Variants in NPAS3 observed in about 807,000 individuals in gnomAD.
NPAS3 encodes the protein neuronal PAS domain-containing protein 3.
In NPAS3, 14 loss-of-function variants were observed where a neutral mutation model predicts 73.1. That is an observed-to-expected ratio of 0.19 (90% CI 0.13 to 0.30). NPAS3 has a LOEUF of 0.30. NPAS3 is among the 10% of genes least tolerant of loss of function. The pLI is 1.00. For missense variants in NPAS3, 1,096 were observed against 1,250.0 expected, an observed-to-expected ratio of 0.88 and a Z score of 1.86; for synonymous variants, 620 against 541.5, an observed-to-expected ratio of 1.14 and a Z score of -2.01.
chr14:33,562,127 T>A (rs1179039709), intron 5 of NPAS3, among the ~76,000 whole-genome samples: 1 of 152,246 alleles, frequency 6.6e-6, no homozygotes, highest in Non-Finnish European at 1.5e-5. Flanking sequence ...AGTGCGGCCA[T>A]CTGAAATATC....
intron 4 of NPAS3, among the ~76,000 whole-genome samples, chr14:33,516,637 GATA>G (rs1472187309): frequency 1.3e-5 from 2 of 152,124 alleles, no homozygotes; most frequent in Non-Finnish European, 2.9e-5. Flanking sequence ...TGGGGCTGAT[GATA>G]ATAAGCACCT....
rs552969417 is a variant in NPAS3, at chr14:33,470,407, T to C, written c.469-89714T>C. On this transcript the variant is annotated intron_variant, in intron 4 of 11. Transcript: ENST00000356141. ...TTAGGACCATCAGTATAAAGAAGTGTCTTGCATGAACAAATCCCTTTACTA... is the reference window on the plus strand; with the variant it reads ...TTAGGACCATCAGTATAAAGAAGTGCCTTGCATGAACAAATCCCTTTACTA... 2.0e-5 allele frequency among the ~76,000 whole-genome samples: 3 copies of C among 152,270 alleles called. No homozygotes were observed. The East Asian group carries it at 5.8e-4, about 29-fold the overall frequency.
chr14:33,651,877 G>T (rs1171836842), intron 5 of NPAS3, among the ~76,000 whole-genome samples: 1 of 152,050 alleles, frequency 6.6e-6, no homozygotes, highest in Non-Finnish European at 1.5e-5. Context: ...ATATTAAGTA[G>T]CACCCAGCGT....
chr14:33,018,424 G>C lies in NPAS3; in HGVS notation c.51-37481G>C, dbSNP rs138126775. ...ATAAACATCATCTTCTCCAAGTCAT[G>C]GCAGAGGCAGGACTTTCTGAGAGAT... On this transcript the variant is annotated intron_variant, in intron 1 of 11. Transcript: ENST00000356141. Among the ~76,000 whole-genome samples the C allele has an allele frequency of 3.1e-4, 47 of 152,258 alleles. No homozygotes were observed. In the East Asian group the frequency reaches 7.5e-3, roughly 24 times the overall value.
intron 5 of NPAS3, among the ~76,000 whole-genome samples, chr14:33,651,582 G>T (rs1403927705): frequency 1.3e-5 from 2 of 152,072 alleles, no homozygotes; most frequent in Non-Finnish European, 2.9e-5. Flanking sequence ...TGAGGTCAGA[G>T]CTGGGTCTGT....
intron 2 of NPAS3, among the ~76,000 whole-genome samples, chr14:33,076,917 C>T (rs939464536): frequency 3.3e-5 from 5 of 152,124 alleles, no homozygotes; most frequent in Non-Finnish European, 7.4e-5. Context: ...AAAAGTTTTT[C>T]TATATCCATT....
At chr14:33,746,827 C>T (rs919690057) in intron 7 of NPAS3, among the ~76,000 whole-genome samples, 1 of 151,862 alleles carries the variant, frequency 6.6e-6, no homozygotes, top group Non-Finnish European at 1.5e-5. Flanking sequence ...ATGTGCCATG[C>T]CGGTGTGCTG....
exon 11 of NPAS3, chr14:33,797,511 G>A (rs138405917): frequency 9.2e-5 from 149 of 1,614,132 alleles, no homozygotes; most frequent in African/African-American, 8.1e-4. Context: ...CCCATCTGCC[G>A]GAGAAAACTT....
intron 3 of NPAS3, among the ~76,000 whole-genome samples, chr14:33,264,824 C>A (rs1170493593): frequency 6.6e-6 from 1 of 152,184 alleles, no homozygotes; most frequent in East Asian, 1.9e-4. Context: ...TTCATCAGGG[C>A]AGTCTTGGTC....
intron 7 of NPAS3, among the ~76,000 whole-genome samples, chr14:33,744,607 G>A (rs1595539144): frequency 2.0e-5 from 3 of 152,030 alleles, no homozygotes; most frequent in Admixed American, 1.3e-4. Flanking sequence ...GAGCAACATG[G>A]CGAAACCTTG....
At chr14:33,751,348 C>G (rs185042192) in intron 7 of NPAS3, among the ~76,000 whole-genome samples, 22 of 152,310 alleles carry the variant, frequency 1.4e-4, no homozygotes, top group African/African-American at 5.3e-4. Flanking sequence ...GTTTTTCCTT[C>G]TACCATTCTG....
At chr14:33,749,683 G>A (rs1411502601) in intron 7 of NPAS3, among the ~76,000 whole-genome samples, 1 of 152,100 alleles carries the variant, frequency 6.6e-6, no homozygotes, top group Non-Finnish European at 1.5e-5. Context: ...CTGTGGATTT[G>A]ATCTCTAGGA....
intron 5 of NPAS3, among the ~76,000 whole-genome samples, chr14:33,653,435 G>T (rs1254253223): frequency 6.6e-6 from 1 of 152,230 alleles, no homozygotes; most frequent in East Asian, 1.9e-4. Context: ...TCATAAGGCA[G>T]ATAGTCATTA....
At position 33,043,607 on chromosome 14, in the gene NPAS3, C is replaced by T. The variant is rs116985807; in HGVS notation, c.51-12298C>T. On this transcript the variant is annotated intron_variant, in intron 1 of 11. Coordinates refer to ENST00000356141, the Ensembl canonical transcript of NPAS3. The stretch of plus-strand genomic sequence containing the variant: ...AATGAATAGAATACATGTGTCAAGA[C>T]TACTTGTGGTTCTACCTGTTTACCT... Among the ~76,000 whole-genome samples the T allele has an allele frequency of 3.0e-4, 45 of 152,238 alleles. No homozygotes were observed. The East Asian group carries it at 8.3e-3, about 28-fold the overall frequency.
At chr14:33,574,444 G>T (rs747186315) in intron 5 of NPAS3, among the ~76,000 whole-genome samples, 1 of 152,142 alleles carries the variant, frequency 6.6e-6, no homozygotes, top group Non-Finnish European at 1.5e-5. Flanking sequence ...AAAGATTTCC[G>T]TGATTTGACT....
chr14:32,994,081 T>A (rs375263776), intron 1 of NPAS3, among the ~76,000 whole-genome samples: 1 of 152,164 alleles, frequency 6.6e-6, no homozygotes, highest in South Asian at 2.1e-4. Flanking sequence ...GTTTTGTAGG[T>A]TAAAAGGTGA....
At chr14:33,080,296 C>T (rs889569205) in intron 2 of NPAS3, among the ~76,000 whole-genome samples, 6 of 152,026 alleles carry the variant, frequency 3.9e-5, no homozygotes, top group South Asian at 2.1e-4. Flanking sequence ...TTAGTAGAGA[C>T]GGGGTTTCAT....
chr14:33,587,647 T>A (rs1300542826), intron 5 of NPAS3, among the ~76,000 whole-genome samples: 1 of 152,244 alleles, frequency 6.6e-6, no homozygotes, highest in Non-Finnish European at 1.5e-5. Flanking sequence ...TGTGAACCTA[T>A]CACTAAGTAT....
chr14:33,362,169 G>A (rs759737808), intron 3 of NPAS3, among the ~76,000 whole-genome samples: 128 of 152,196 alleles, frequency 8.4e-4, no homozygotes, highest in East Asian at 1.9e-4. Flanking sequence ...TGCTATTTCA[G>A]TTTCTTCTCC....
Sources: allele counts gnomAD v4.1 joint callset (sites outside exome capture counted in the v4.1 genomes callset), GRCh38; gene constraint gnomAD v4.1.1; transcripts MANE v1.5; gene names NCBI Gene and HGNC (gene_info 2026-07-23, HGNC 2026-07-21).